MAP3K15: variants seen among roughly 807,000 people sequenced by gnomAD.
MAP3K15 encodes MAPK/ERK kinase kinase 15.
Under a neutral mutation model 99.5 loss-of-function variants are expected in MAP3K15, and 124 were observed. That is an observed-to-expected ratio of 1.25 (90% CI 1.08 to 1.45). The LOEUF (loss-of-function observed/expected upper bound fraction) is 1.45. Among genes scored for constraint, MAP3K15 ranks in the 40% most tolerant of loss-of-function variants. The probability of loss-of-function intolerance (pLI) is 0.00; values close to 1 mark genes in which losing one functional copy is unlikely to be tolerated. For missense variants in MAP3K15, 1,242 were observed against 1,079.7 expected (o/e 1.15, Z -2.11); for synonymous variants, 494 against 439.6 (o/e 1.12, Z -1.55).
chrX:19,486,165 T>C (rs1400955798), intron 3 of MAP3K15, among the ~76,000 whole-genome samples: 1 of 111,364 alleles, frequency 9.0e-6, no homozygotes, highest in Admixed American at 9.6e-5. Context: ...CGATTACTGG[T>C]GGTCCATGGA....
rs150271993 is a variant in MAP3K15, at chrX:19,372,619, C to T, written c.3108+34G>A. The T allele has an allele frequency of 3.4e-3, 4,004 of 1,170,874 alleles. 8 individuals carry two copies. The highest frequency in any genetic ancestry group is 4.4e-3 in the Non-Finnish European group (3,795 of 870,350). Reference sequence around the variant, plus strand: ...GGGACTGGGACCTGGGCAGAGGGAGCGGGAAGAGTCGGTGCCCTCCCTCGG... The same window carrying T: ...GGGACTGGGACCTGGGCAGAGGGAGTGGGAAGAGTCGGTGCCCTCCCTCGG... On this transcript the variant is annotated intron_variant, in intron 22 of 28. Transcript: ENST00000338883.
chrX:19,406,991 G>A (rs1006061371), intron 13 of MAP3K15, among the ~76,000 whole-genome samples, 197 bp downstream of exon 13: 2 of 112,459 alleles, frequency 1.8e-5, no homozygotes, highest in South Asian at 3.6e-4. Context: ...GTGAGCTACT[G>A]CACCTGGCCA....
chrX:19,429,418 A>C (rs1272014474), intron 7 of MAP3K15, among the ~76,000 whole-genome samples: 1 of 110,582 alleles, frequency 9.0e-6, no homozygotes, highest in African/African-American at 3.3e-5. Context: ...ATGGGGCCTG[A>C]CTGGACGGGG....
chrX:19,362,758 T>C lies in MAP3K15; in HGVS notation c.3659A>G (p.Gln1220Arg), dbSNP rs754813662. The C allele has an allele frequency of 7.7e-6, 9 of 1,165,042 alleles. No individual in the cohort carries two copies. The highest frequency in any genetic ancestry group is 1.0e-5 in the Non-Finnish European group (9 of 858,682). ...CTTACAATTCGATTTTAATTTTAAC[T>C]GAAGGTGATACAATTCTTGAGTTTT... ...EQKTQELYHL[Q>R]LKLKSNCITE... is the part of the protein sequence containing the mutation. Residue 1220 changes from glutamine to arginine, a missense_variant, in exon 26 of 29, where the codon CAG (glutamine) becomes CGG (arginine). By Grantham distance (43) the Gln-to-Arg change is conservative (BLOSUM62 1). Transcript: ENST00000338883.
intron 3 of MAP3K15, among the ~76,000 whole-genome samples, chrX:19,482,587 G>T (rs1319300766): frequency 8.9e-6 from 1 of 111,782 alleles, no homozygotes; most frequent in African/African-American, 3.3e-5. Context: ...TCTTGCCTGG[G>T]GCTGGGTGTG....
intron 5 of MAP3K15, among the ~76,000 whole-genome samples, chrX:19,459,216 T>C (rs2064114486): frequency 8.9e-6 from 1 of 111,927 alleles, no homozygotes; most frequent in Admixed American, 9.5e-5. Context: ...AATCCTGACC[T>C]AACCAACTGC....
At chrX:19,489,358 T>C (rs2064351084) in intron 1 of MAP3K15, among the ~76,000 whole-genome samples, 1 of 111,483 alleles carries the variant, frequency 9.0e-6, no homozygotes, top group Non-Finnish European at 1.9e-5. Flanking sequence ...CAGGGTCCCA[T>C]GTGCCCCTCC....
chrX:19,361,367 T>G lies in MAP3K15; in HGVS notation c.3829A>C (p.Lys1277Gln). ...AGTCGAAGGTATCTTAGATCTTCCT[T>G]AGTGATCTCATTAAGAATATCCGAA... ...TLSDILNEIT[K>Q]EDLRYLRLRG... Residue 1277 changes from lysine to glutamine, a missense_variant, in exon 28 of 29, where the codon AAG (lysine) becomes CAG (glutamine). Transcript: ENST00000338883. The G allele has an allele frequency of 8.3e-7, 1 of 1,209,102 alleles. No individual in the cohort carries two copies. Among genetic ancestry groups the G allele is most frequent in the Non-Finnish European group, 1.1e-6 (1 of 893,158 alleles).
intron 1 of MAP3K15, among the ~76,000 whole-genome samples, chrX:19,507,304 T>G (rs1398089923): frequency 5.4e-5 from 6 of 110,942 alleles, no homozygotes; most frequent in Non-Finnish European, 1.1e-4. Context: ...TGAGAAAGTA[T>G]GAGACGAAGT....
intron 6 of MAP3K15, among the ~76,000 whole-genome samples, chrX:19,441,556 C>T (rs142350802): frequency 9.0e-6 from 1 of 111,676 alleles, no homozygotes; most frequent in African/African-American, 3.2e-5. Flanking sequence ...CTGCATCCTC[C>T]GACTCCAGGG....
chrX:19,505,158 A>T (rs2064467669), intron 1 of MAP3K15, among the ~76,000 whole-genome samples: 1 of 103,108 alleles, frequency 9.7e-6, no homozygotes, highest in Non-Finnish European at 1.9e-5. Flanking sequence ...ACGCCAAGCC[A>T]GTATTAACCT....
At chrX:19,468,327 T>C (rs975127483) in intron 3 of MAP3K15, among the ~76,000 whole-genome samples, 3 of 112,171 alleles carry the variant, frequency 2.7e-5, no homozygotes, top group African/African-American at 9.7e-5. Context: ...GGATTAGTTT[T>C]AAGGACTATT....
intron 3 of MAP3K15, among the ~76,000 whole-genome samples, chrX:19,485,046 C>T (rs1024602610): frequency 1.6e-4 from 18 of 111,068 alleles, no homozygotes; most frequent in Non-Finnish European, 5.7e-5. Flanking sequence ...AGGTGGCTCA[C>T]GCCTGTAATC....
chrX:19,404,852 A>T (rs1416694587), intron 13 of MAP3K15, among the ~76,000 whole-genome samples: 1 of 112,005 alleles, frequency 8.9e-6, no homozygotes, highest in Non-Finnish European at 1.9e-5. Context: ...CTTACACCAC[A>T]TCCAAAAATG....
At chrX:19,508,369 G>A (rs958936858) in intron 1 of MAP3K15, among the ~76,000 whole-genome samples, 13 of 106,874 alleles carry the variant, frequency 1.2e-4, no homozygotes, top group African/African-American at 3.8e-4. Flanking sequence ...CCAGGGTTTC[G>A]CCATGTTGGC....
intron 18 of MAP3K15, 56 bp downstream of exon 18, chrX:19,391,946 G>T: frequency 1.1e-6 from 1 of 882,247 alleles, no homozygotes; most frequent in Non-Finnish European, 1.7e-6. Context: ...ACCGCAGCTT[G>T]TGCAGAAAGC....
Position 19,374,630 on chromosome X carries a change from G to A in MAP3K15, c.2620C>T (p.Pro874Ser). Residue 874 changes from proline (P) to serine (S), a missense_variant, in exon 20 of 29, where the codon CCA becomes TCA. Physicochemically the swap from Pro to Ser is moderately conservative, Grantham distance 74. Coordinates refer to ENST00000338883, the MANE Select transcript of MAP3K15 (RefSeq NM_001001671.4). ...CGGGCTTCAGCTGAAAGGGCTTCTG[G>A]AATCTCAGGGTGGATCTTAAACATG... ...VGMFKIHPEI[P>S]EALSAEARAF... 8.3e-7 allele frequency: 1 copy of A among 1,211,260 alleles called. No individual in the cohort carries two copies.
At chrX:19,503,486 C>T (rs776597684) in intron 1 of MAP3K15, among the ~76,000 whole-genome samples, 5 of 111,916 alleles carry the variant, frequency 4.5e-5, no homozygotes, top group South Asian at 3.8e-4. Flanking sequence ...AATGCAGTGG[C>T]GCAATCTCAG....
chrX:19,360,566 G>A lies in MAP3K15; in HGVS notation c.*183C>T, dbSNP rs2063270555. The A allele has an allele frequency of 2.5e-6, 1 of 401,140 alleles. No homozygotes were observed. Among genetic ancestry groups the A allele is most frequent in the Non-Finnish European group, 4.3e-6 (1 of 231,225 alleles). The allele number at this position is 401,140 out of a possible 1,213,427, so 33.1% of individuals were successfully genotyped here. On this transcript the variant is annotated 3_prime_UTR_variant, in exon 29 of 29. Coordinates refer to ENST00000338883, the MANE Select transcript of MAP3K15 (RefSeq NM_001001671.4). Reference sequence around the variant, plus strand: ...GTTTTCACAATACACACAGTTCTATGTTTATAAATAACAGGTTTCAAAAGA... The same window carrying A: ...GTTTTCACAATACACACAGTTCTATATTTATAAATAACAGGTTTCAAAAGA...
Sources: gnomAD v4.1 joint callset for allele counts (sites outside exome capture counted in the v4.1 genomes callset) on GRCh38, gnomAD v4.1.1 for gene constraint, MANE v1.5 for transcripts, NCBI Gene and HGNC (gene_info 2026-07-23, HGNC 2026-07-21) for gene names.